The following ENTHD1 variants were observed in gnomAD, a reference collection of about 807,000 sequenced individuals.
ENTHD1 encodes the protein ENTH domain-containing protein 1.
ENTHD1 carries 23 observed loss-of-function variants against 39.1 expected under a neutral mutation model. The observed-to-expected ratio is 0.59, with a 90% CI of 0.42 to 0.83. The LOEUF (loss-of-function observed/expected upper bound fraction) is 0.83, where lower values mean the gene tolerates loss of function less well. ENTHD1 is among the 40% of genes least tolerant of loss of function. The pLI is 0.00. For synonymous variants in ENTHD1, 230 were observed against 258.2 expected, an observed-to-expected ratio of 0.89 and a Z score of 1.05; for missense variants, 624 against 705.4, an observed-to-expected ratio of 0.88 and a Z score of 1.31.
At chr22:39,745,910 T>C (rs2146526892) in intron 6 of ENTHD1, among the ~76,000 whole-genome samples, 2 of 152,328 alleles carry the variant, frequency 1.3e-5, no homozygotes, top group East Asian at 3.9e-4. Flanking sequence ...CGAATTCTTA[T>C]TCATTGCATG....
chr22:39,752,322 G>T (rs191020528), intron 6 of ENTHD1, among the ~76,000 whole-genome samples: 3 of 152,264 alleles, frequency 2.0e-5, no homozygotes, highest in Admixed American at 2.0e-4. Context: ...GCCACATATT[G>T]CATGATTCCA....
chr22:39,852,432 A>T (rs1442128813), intron 3 of ENTHD1, among the ~76,000 whole-genome samples: 2 of 152,228 alleles, frequency 1.3e-5, no homozygotes, highest in East Asian at 3.8e-4. Context: ...TATTGTTTTT[A>T]CAAGAGTATA....
chr22:39,826,425 T>G (rs1413298241), intron 4 of ENTHD1, among the ~76,000 whole-genome samples: 2 of 152,196 alleles, frequency 1.3e-5, no homozygotes, highest in Non-Finnish European at 2.9e-5. Context: ...CTGTTTTCAA[T>G]TTCATTAATT....
intron 3 of ENTHD1, among the ~76,000 whole-genome samples, chr22:39,853,576 CTTA>C (rs376330821): frequency 1.3e-5 from 2 of 151,926 alleles, no homozygotes; most frequent in African/African-American, 2.4e-5. Context: ...TATTCTTCTT[CTTA>C]TTATTATTTT....
At chr22:39,757,349 A>G (rs1490417044) in intron 6 of ENTHD1, among the ~76,000 whole-genome samples, 1 of 152,146 alleles carries the variant, frequency 6.6e-6, no homozygotes, top group Non-Finnish European at 1.5e-5. Flanking sequence ...AGCTCACTGC[A>G]GCTTTGAACT....
chr22:39,837,950 T>C (rs1171353503), intron 3 of ENTHD1, among the ~76,000 whole-genome samples: 3 of 152,200 alleles, frequency 2.0e-5, no homozygotes, highest in Non-Finnish European at 4.4e-5. Flanking sequence ...TTAAATCTGA[T>C]TTGGCTAGTT....
intron 5 of ENTHD1, among the ~76,000 whole-genome samples, chr22:39,807,200 G>A (rs2065649062): frequency 6.6e-6 from 1 of 152,064 alleles, no homozygotes. Context: ...TCTTTACAAT[G>A]CATTCACAGT....
intron 3 of ENTHD1, among the ~76,000 whole-genome samples, chr22:39,838,629 C>A (rs902649835): frequency 1.6e-4 from 25 of 151,982 alleles, no homozygotes; most frequent in South Asian, 2.1e-4. Context: ...TCTCATAAAA[C>A]CATATATTTC....
chr22:39,796,767 T>C (rs1601600224), intron 5 of ENTHD1, among the ~76,000 whole-genome samples: 2 of 152,226 alleles, frequency 1.3e-5, no homozygotes, highest in African/African-American at 4.8e-5. Flanking sequence ...TTTTTAAAAA[T>C]ATGTTGAGAT....
chr22:39,759,200 G>A (rs1334030332), intron 6 of ENTHD1, among the ~76,000 whole-genome samples: 1 of 152,028 alleles, frequency 6.6e-6, no homozygotes, highest in African/African-American at 2.4e-5. Flanking sequence ...TTCTTTCTTA[G>A]AATTCACTAG....
chr22:39,814,256 C>G (rs1367610944), intron 5 of ENTHD1, among the ~76,000 whole-genome samples: 1 of 145,452 alleles, frequency 6.9e-6, no homozygotes, highest in African/African-American at 2.6e-5. Context: ...TCCAGGAGTT[C>G]GAGACCAGCC....
chr22:39,768,559 C>T lies in ENTHD1; in HGVS notation c.833-2950G>A, dbSNP rs182087951. 1.0e-3 allele frequency among the ~76,000 whole-genome samples: 157 copies of T among 152,246 alleles called. 1 individual carries two copies. Among genetic ancestry groups the T allele is most frequent in the Non-Finnish European group, 1.6e-3 (112 of 68,002 alleles). Reference sequence around the variant, plus strand: ...CATGTCTACCACTCTATCTTAATCTCTCCCTTCTCTGAGGTAATATTTCTA... The same window carrying T: ...CATGTCTACCACTCTATCTTAATCTTTCCCTTCTCTGAGGTAATATTTCTA... On this transcript the variant is annotated intron_variant, in intron 5 of 6. Transcript: ENST00000325157.
rs1601620093 is a variant in ENTHD1, at chr22:39,824,202, T to TTTA, written c.712-3090_712-3089insTAA. Among the ~76,000 whole-genome samples, 5 of 13,850 alleles carry TTTA rather than the reference T, an allele frequency of 3.6e-4. No individual in the cohort carries two copies. In the East Asian group the frequency reaches 8.6e-3, roughly 24 times the overall value. 9.1% of individuals were successfully genotyped at this position (13,850 alleles called of 152,430 possible). A position where few individuals can be genotyped will look rare whatever the true frequency, so the allele number is the denominator to read the frequency against. ...TAGGGATCATGCTTTTGTCCAGTTCTTTTTTTTTTTTTTTTTTTTTTTTTT... is the reference window on the plus strand; with the variant it reads ...TAGGGATCATGCTTTTGTCCAGTTCTTTATTTTTTTTTTTTTTTTTTTTTTTTT... On this transcript the variant is annotated intron_variant, in intron 4 of 6. Transcript: ENST00000325157.
At chr22:39,775,399 G>A (rs1329446318) in intron 5 of ENTHD1, among the ~76,000 whole-genome samples, 1 of 152,160 alleles carries the variant, frequency 6.6e-6, no homozygotes, top group African/African-American at 2.4e-5. Context: ...AGACTCAACT[G>A]TAGAGAAAGG....
chr22:39,746,777 G>A (rs770538803), intron 6 of ENTHD1, among the ~76,000 whole-genome samples: 10 of 152,134 alleles, frequency 6.6e-5, no homozygotes, highest in Non-Finnish European at 1.2e-4. Context: ...TTCAGCATGT[G>A]GTTTACATAT....
chr22:39,790,744 T>A (rs2065497359), intron 5 of ENTHD1, among the ~76,000 whole-genome samples: 1 of 152,200 alleles, frequency 6.6e-6, no homozygotes, highest in Admixed American at 6.5e-5. Flanking sequence ...CACTAGTTCT[T>A]GGTGTCTCCA....
intron 5 of ENTHD1, among the ~76,000 whole-genome samples, chr22:39,820,741 T>C (rs1383524819): frequency 6.6e-6 from 1 of 152,186 alleles, no homozygotes; most frequent in Non-Finnish European, 1.5e-5. Flanking sequence ...TTTTCTGCTA[T>C]TAAAACTACT....
At chr22:39,828,014 TA>T (rs2065839385) in intron 4 of ENTHD1, among the ~76,000 whole-genome samples, 1 of 152,214 alleles carries the variant, frequency 6.6e-6, no homozygotes, top group African/African-American at 2.4e-5. Flanking sequence ...TGTAGTTTAC[TA>T]AAAAAGCATA....
intron 5 of ENTHD1, among the ~76,000 whole-genome samples, chr22:39,783,089 G>A (rs1389119204): frequency 2.0e-5 from 3 of 152,100 alleles, no homozygotes; most frequent in Admixed American, 2.0e-4. Context: ...GCTGGAGGAT[G>A]TAAAATCAAC....
Sources: gnomAD v4.1 joint callset for allele counts (sites outside exome capture counted in the v4.1 genomes callset) on GRCh38, gnomAD v4.1.1 for gene constraint, MANE v1.5 for transcripts, NCBI Gene and HGNC (gene_info 2026-07-23, HGNC 2026-07-21) for gene names.